The following KCNC2 variants were observed in gnomAD, a reference collection of about 807,000 sequenced individuals.
KCNC2 encodes the protein voltage-gated potassium channel KCNC2.
KCNC2 carries 21 observed loss-of-function variants against 44.5 expected under a neutral mutation model. That is an observed-to-expected ratio of 0.47 (90% confidence interval 0.33 to 0.68). The LOEUF (loss-of-function observed/expected upper bound fraction) is 0.68, where lower values mean the gene tolerates loss of function less well. Among genes scored for constraint, KCNC2 ranks in the 30% least tolerant of loss-of-function variants. KCNC2 has a pLI of 0.01. For synonymous variants in KCNC2, 391 were observed against 339.1 expected, an observed-to-expected ratio of 1.15 and a Z score of -1.68; for missense variants, 589 against 826.2, an observed-to-expected ratio of 0.71 and a Z score of 3.52.
chr12:75,144,140 A>C (rs568065242), intron 2 of KCNC2, among the ~76,000 whole-genome samples: 4 of 152,336 alleles, frequency 2.6e-5, no homozygotes, highest in South Asian at 4.1e-4. Context: ...TAGATTCGTC[A>C]TTTGTATTGC....
chr12:75,069,083 C>G (rs1042529717), intron 2 of KCNC2, among the ~76,000 whole-genome samples: 27 of 141,900 alleles, frequency 1.9e-4, no homozygotes, highest in African/African-American at 6.8e-4. Flanking sequence ...ATAGCTAAAA[C>G]AGAAACATGG....
At chr12:75,149,685 C>T (rs1488082916) in intron 2 of KCNC2, among the ~76,000 whole-genome samples, 1 of 150,642 alleles carries the variant, frequency 6.6e-6, no homozygotes, top group African/African-American at 2.4e-5. Flanking sequence ...GAATTGTGCC[C>T]CAGAATTTAA....
intron 2 of KCNC2, among the ~76,000 whole-genome samples, chr12:75,082,691 A>G (rs908920021): frequency 1.3e-5 from 2 of 151,890 alleles, no homozygotes; most frequent in Non-Finnish European, 2.9e-5. Flanking sequence ...TAAATATGCT[A>G]AACTACTTTG....
At chr12:75,202,134 T>C (rs973212891) in intron 2 of KCNC2, among the ~76,000 whole-genome samples, 40 of 152,050 alleles carry the variant, frequency 2.6e-4, no homozygotes, top group African/African-American at 9.4e-4. Flanking sequence ...CTGACAAAGA[T>C]AAAAAACTTT....
intron 2 of KCNC2, among the ~76,000 whole-genome samples, chr12:75,166,312 C>A (rs1593008872): frequency 6.7e-6 from 1 of 150,014 alleles, no homozygotes; most frequent in Admixed American, 6.7e-5. Context: ...AATACAGAAG[C>A]AAAAACTGAC....
At chr12:75,093,150 T>A (rs1046499659) in intron 2 of KCNC2, among the ~76,000 whole-genome samples, 1 of 151,488 alleles carries the variant, frequency 6.6e-6, no homozygotes, top group African/African-American at 2.4e-5. Context: ...ATTCATAGAA[T>A]CAAAATATTC....
At chr12:75,081,434 T>TTA (rs1884501212) in intron 2 of KCNC2, among the ~76,000 whole-genome samples, 2 of 146,590 alleles carry the variant, frequency 1.4e-5, no homozygotes, top group Admixed American at 1.4e-4. Context: ...TTGCCTTTGA[T>TTA]GCCCTTGTGG....
intron 2 of KCNC2, among the ~76,000 whole-genome samples, chr12:75,136,247 A>C (rs536638207): frequency 1.3e-5 from 2 of 152,198 alleles, no homozygotes; most frequent in East Asian, 1.9e-4. Context: ...GAAAAATCAG[A>C]AATCAGTAAC....
intron 2 of KCNC2, among the ~76,000 whole-genome samples, chr12:75,205,635 C>T (rs2031623421): frequency 6.6e-6 from 1 of 151,974 alleles, no homozygotes; most frequent in African/African-American, 2.4e-5. Context: ...AACATTATGT[C>T]CTTTTGTAGC....
chr12:75,101,070 C>T (rs968552038), intron 2 of KCNC2, among the ~76,000 whole-genome samples: 5 of 152,108 alleles, frequency 3.3e-5, no homozygotes, highest in African/African-American at 1.2e-4. Flanking sequence ...TGCAGACTCA[C>T]TTGCCATTTT....
chr12:75,123,827 A>G lies in KCNC2; in HGVS notation c.688-72510T>C, dbSNP rs140539659. 1.7e-3 allele frequency among the ~76,000 whole-genome samples: 256 copies of G among 152,160 alleles called. 1 individual carries two copies. The highest frequency in any genetic ancestry group is 5.8e-3 in the African/African-American group (239 of 41,510). ...AGGAGAAACTTCAAAATCAGCCAAAACTCTATACATTGGTTATAGAGGAAG... is the reference window on the plus strand; with the variant it reads ...AGGAGAAACTTCAAAATCAGCCAAAGCTCTATACATTGGTTATAGAGGAAG... On this transcript the variant is annotated intron_variant, in intron 2 of 4. Transcript: ENST00000549446.
chr12:75,067,205 C>CA (rs1289162670), intron 2 of KCNC2, among the ~76,000 whole-genome samples: 13 of 151,218 alleles, frequency 8.6e-5, no homozygotes, highest in Admixed American at 8.6e-4. Flanking sequence ...TGTCTCAAAA[C>CA]AAAAAAACAA....
Position 75,209,736 on chromosome 12 carries a change from C to T in KCNC2, c.-549G>A, listed in dbSNP as rs1309059154. 1 of 152,566 alleles carries T rather than the reference C, an allele frequency of 6.6e-6. No homozygotes were observed. The highest frequency in any genetic ancestry group is 1.9e-4 in the East Asian group (1 of 5,186). 9.5% of individuals were successfully genotyped at this position (152,566 alleles called of 1,614,324 possible). On this transcript the variant is annotated 5_prime_UTR_variant, in exon 1 of 5. Coordinates refer to ENST00000549446, the MANE Select transcript of KCNC2 (RefSeq NM_139137.4). ...TCCCGCCGCCATCCGAAGCACAGGG[C>T]TCAGGAAAGAGTGGGTGGGTGGGTC... is the stretch of plus-strand genomic sequence containing the variant.
At chr12:75,063,050 T>C (rs1045839334) in intron 2 of KCNC2, among the ~76,000 whole-genome samples, 8 of 152,140 alleles carry the variant, frequency 5.3e-5, no homozygotes, top group African/African-American at 1.9e-4. Flanking sequence ...CCTATTTTTA[T>C]CACCTTACTT....
At chr12:75,105,040 C>G (rs1040355448) in intron 2 of KCNC2, among the ~76,000 whole-genome samples, 1 of 151,978 alleles carries the variant, frequency 6.6e-6, no homozygotes, top group Non-Finnish European at 1.5e-5. Context: ...AGGTTTTATT[C>G]TGGTAGAGAA....
intron 2 of KCNC2, among the ~76,000 whole-genome samples, chr12:75,125,843 C>T (rs1239629781): frequency 2.6e-5 from 4 of 152,188 alleles, no homozygotes; most frequent in Admixed American, 2.6e-4. Flanking sequence ...GAATTCATCT[C>T]TCTTCCTCAT....
intron 2 of KCNC2, among the ~76,000 whole-genome samples, chr12:75,196,918 G>C (rs778840761): frequency 1.3e-5 from 2 of 151,996 alleles, no homozygotes; most frequent in African/African-American, 4.8e-5. Context: ...TTCTAATACT[G>C]GTCTAAGCTT....
intron 2 of KCNC2, chr12:75,140,285 A>G (rs1889546416): frequency 6.6e-6 from 1 of 152,188 alleles, no homozygotes; most frequent in African/African-American, 2.4e-5. Context: ...CAACTGGCCA[A>G]AGTAAGTCGG....
At chr12:75,177,855 A>G (rs1892299538) in intron 2 of KCNC2, among the ~76,000 whole-genome samples, 1 of 152,000 alleles carries the variant, frequency 6.6e-6, no homozygotes, top group Non-Finnish European at 1.5e-5. Flanking sequence ...TTTAAGACAT[A>G]CATCTGTGTA....
Sources: gnomAD v4.1 joint callset for allele counts (sites outside exome capture counted in the v4.1 genomes callset) on GRCh38, gnomAD v4.1.1 for gene constraint, MANE v1.5 for transcripts, NCBI Gene and HGNC (gene_info 2026-07-23, HGNC 2026-07-21) for gene names.